Variants in CCDC7 observed in about 807,000 individuals in gnomAD.
The protein encoded by CCDC7 is coiled-coil domain-containing protein 7.
CCDC7 carries 183 observed loss-of-function variants against 196.9 expected under a neutral mutation model. That is an observed-to-expected ratio of 0.93 (90% CI 0.82 to 1.05). The LOEUF (loss-of-function observed/expected upper bound fraction) is 1.05. CCDC7 is among the 50% of genes least tolerant of loss of function. The pLI is 0.00. For missense variants in CCDC7, 1,540 were observed against 1,482.2 expected, an observed-to-expected ratio of 1.04 and a Z score of -0.64; for synonymous variants, 525 against 484.6, an observed-to-expected ratio of 1.08 and a Z score of -1.10.
At chr10:32,598,574 C>T (rs921673596) in intron 18 of CCDC7, among the ~76,000 whole-genome samples, 8 of 152,292 alleles carry the variant, frequency 5.3e-5, no homozygotes, top group African/African-American at 1.4e-4. Flanking sequence ...GCATCATTCA[C>T]ACTGGGAGCT....
intron 16 of CCDC7, among the ~76,000 whole-genome samples, chr10:32,581,280 G>A (rs984551118): frequency 6.6e-5 from 10 of 152,118 alleles, no homozygotes; most frequent in African/African-American, 2.4e-4. Context: ...AATTTAGTAA[G>A]ATTTATAAAC....
chr10:32,623,830 A>G (rs748589422), intron 18 of CCDC7: 3 of 468,614 alleles, frequency 6.4e-6, no homozygotes, highest in South Asian at 4.7e-5. Flanking sequence ...GAGTGTGGGA[A>G]TGAGAGAGTA....
In CCDC7 at chr10:32,462,448, A is replaced by G. The variant is rs970540634; in HGVS notation, c.457-235A>G. ...TCTTTCCCTCTTTCTCCCTTTTTAT[A>G]TATAAAAAGAAAAATTATTTTTAAA... On this transcript the variant is annotated intron_variant, in intron 3 of 41. Transcript: ENST00000639629. Among the ~76,000 whole-genome samples, 3 of 152,116 alleles carry G rather than the reference A, an allele frequency of 2.0e-5. No individual in the cohort carries two copies. In the East Asian group the frequency reaches 5.8e-4, roughly 29 times the overall value.
At chr10:32,876,544 G>C, downstream of CCDC7, 1 of 683,644 alleles carries the variant, frequency 1.5e-6, no homozygotes, top group Non-Finnish European at 2.5e-6. Context: ...GGATCAACAG[G>C]GTAGGCCCAG....
chr10:32,569,157 T>G (rs1015658664), intron 15 of CCDC7, among the ~76,000 whole-genome samples: 2 of 152,218 alleles, frequency 1.3e-5, no homozygotes, highest in Non-Finnish European at 1.5e-5. Flanking sequence ...AGCTTAACAT[T>G]CATTAATAAA....
At chr10:32,763,766 A>T (rs1413829833) in intron 28 of CCDC7, among the ~76,000 whole-genome samples, 2 of 151,762 alleles carry the variant, frequency 1.3e-5, no homozygotes, top group Non-Finnish European at 3.0e-5. Flanking sequence ...GTTGAATCTA[A>T]AAAGTCATAT....
At chr10:32,835,575 A>G (rs762190452) in intron 33 of CCDC7, among the ~76,000 whole-genome samples, 59 of 152,136 alleles carry the variant, frequency 3.9e-4, no homozygotes, top group Admixed American at 5.9e-4. Flanking sequence ...TAGCAAACTA[A>G]CACAGGAATA....
intron 9 of CCDC7, among the ~76,000 whole-genome samples, chr10:32,500,335 C>T (rs970379454): frequency 2.0e-5 from 3 of 149,460 alleles, no homozygotes; most frequent in East Asian, 2.0e-4. Context: ...TCGGACGGGG[C>T]GGCCGGTCAG....
At chr10:32,746,766 C>T (rs185226794) in intron 28 of CCDC7, among the ~76,000 whole-genome samples, 9 of 152,286 alleles carry the variant, frequency 5.9e-5, no homozygotes, top group Admixed American at 5.2e-4. Flanking sequence ...GTGCACCCAC[C>T]TGCAGCCTCC....
intron 1 of CCDC7, 77 bp downstream of exon 2, chr10:32,451,998 C>CA (rs1209809371): frequency 6.8e-7 from 1 of 1,480,520 alleles, no homozygotes; most frequent in African/African-American, 1.4e-5. Context: ...GGAGGACTCA[C>CA]ATGACTCCAC....
At chr10:32,632,140 G>GA (rs1491352822) in intron 18 of CCDC7, among the ~76,000 whole-genome samples, 1 of 926 alleles carries the variant, frequency 1.1e-3, no homozygotes, top group Non-Finnish European at 2.0e-3. Context: ...TCTTTTTTTT[G>GA]GGGGGGGGGG....
At chr10:32,791,372 A>T (rs540587174) in intron 29 of CCDC7, among the ~76,000 whole-genome samples, 5 of 152,334 alleles carry the variant, frequency 3.3e-5, no homozygotes, top group African/African-American at 4.8e-5. Context: ...GAACACAGTA[A>T]CTGACACCAA....
intron 41 of CCDC7, among the ~76,000 whole-genome samples, chr10:32,860,451 A>G (rs2093937811): frequency 6.6e-6 from 1 of 152,236 alleles, no homozygotes; most frequent in African/African-American, 2.4e-5. Flanking sequence ...AGCTACAGCC[A>G]GTATCACACT....
In CCDC7 at chr10:32,663,925, T is replaced by A. The variant is rs1037381150; in HGVS notation, c.2015-129T>A. The A allele has an allele frequency of 1.6e-4, 57 of 360,784 alleles. No individual in the cohort carries two copies. The East Asian group carries it at 2.3e-3, about 14-fold the overall frequency. The allele number at this position is 360,784 out of a possible 1,614,324, so 22.3% of individuals were successfully genotyped here. On this transcript the variant is annotated intron_variant, in intron 20 of 41. Coordinates refer to ENST00000639629, the Ensembl canonical transcript of CCDC7. ...TATTTTCATGTCAGATCTAGAATTA[T>A]AGTAATTTACTTATATTTTACATGT...
chr10:32,532,745 G>T (rs1019188649), intron 11 of CCDC7, among the ~76,000 whole-genome samples: 1 of 151,940 alleles, frequency 6.6e-6, no homozygotes, highest in African/African-American at 2.4e-5. Context: ...GTCTCTTTTT[G>T]CAATCTTAGA....
At chr10:32,858,763 A>T (rs1199340356) in intron 41 of CCDC7, among the ~76,000 whole-genome samples, 1 of 152,098 alleles carries the variant, frequency 6.6e-6, no homozygotes, top group Non-Finnish European at 1.5e-5. Flanking sequence ...AAAACCAGGG[A>T]TTGCAATCTT....
At chr10:32,652,839 A>G (rs933275554) in intron 20 of CCDC7, among the ~76,000 whole-genome samples, 1 of 152,186 alleles carries the variant, frequency 6.6e-6, no homozygotes, top group African/African-American at 2.4e-5. Flanking sequence ...TTTATATACC[A>G]CAGTTACAGT....
intron 29 of CCDC7, among the ~76,000 whole-genome samples, chr10:32,790,660 A>G (rs1466289949): frequency 6.6e-6 from 1 of 152,080 alleles, no homozygotes; most frequent in Admixed American, 6.6e-5. Context: ...CTAGGGCCTG[A>G]GCCTTTGGAA....
At chr10:32,789,306 G>A (rs1041483688) in intron 29 of CCDC7, among the ~76,000 whole-genome samples, 15 of 151,742 alleles carry the variant, frequency 9.9e-5, no homozygotes, top group African/African-American at 3.1e-4. Context: ...ATAATCTTAA[G>A]GAAATTCAGT....
Sources: allele counts gnomAD v4.1 joint callset (sites outside exome capture counted in the v4.1 genomes callset), GRCh38; gene constraint gnomAD v4.1.1; transcripts MANE v1.5; gene names NCBI Gene and HGNC (gene_info 2026-07-23, HGNC 2026-07-21).